The following AKT3 variants were observed in gnomAD, a reference collection of about 807,000 sequenced individuals.
The protein encoded by AKT3 is RAC-gamma serine/threonine-protein kinase.
In AKT3, 15 loss-of-function variants were observed where a neutral mutation model predicts 65.3. The ratio of observed to expected loss-of-function variants is 0.23; its 90% CI spans 0.15 to 0.35. The LOEUF (loss-of-function observed/expected upper bound fraction) is 0.35, where lower values mean the gene tolerates loss of function less well. Ranked by LOEUF, AKT3 falls within the 10% of genes least tolerant of loss-of-function variation. The pLI is 1.00. For missense variants in AKT3, 243 were observed against 576.5 expected, an observed-to-expected ratio of 0.42 and a Z score of 5.92; for synonymous variants, 206 against 183.8, an observed-to-expected ratio of 1.12 and a Z score of -0.98.
chr1:243,732,574 A>G (rs1282962827), intron 2 of AKT3, among the ~76,000 whole-genome samples: 2 of 152,224 alleles, frequency 1.3e-5, no homozygotes, highest in African/African-American at 4.8e-5. Flanking sequence ...TTGTGTACTG[A>G]TAATAAAAAT....
chr1:243,818,127 C>T (rs970894233), intron 2 of AKT3: 3 of 152,176 alleles, frequency 2.0e-5, no homozygotes, highest in South Asian at 4.1e-4. Context: ...GAAAGTCAAC[C>T]CCTGCTTAGT....
chr1:243,774,195 CAATTT>C (rs1690394671), intron 2 of AKT3, among the ~76,000 whole-genome samples: 1 of 152,020 alleles, frequency 6.6e-6, no homozygotes, highest in Admixed American at 6.5e-5. Context: ...ACCAGTATAT[CAATTT>C]AAGTTTATTT....
rs577286972 is a variant in AKT3 at position 243,746,937 on chromosome 1, C to G, written c.47-51221G>C. ...AGTACAGGAAAGGAACAACTGCAAG[C>G]TGCCATGCTGAGTTTAACAACAATC... On this transcript the variant is annotated intron_variant, in intron 2 of 13. Coordinates refer to ENST00000673466, the MANE Select transcript of AKT3 (RefSeq NM_005465.7). 1.3e-4 allele frequency among the ~76,000 whole-genome samples: 20 copies of G among 152,216 alleles called. 2 individuals carry two copies. Among genetic ancestry groups the G allele is most frequent in the Admixed American group, 1.3e-3 (20 of 15,298 alleles).
chr1:243,658,763 G>A (rs150749197), intron 4 of AKT3, among the ~76,000 whole-genome samples: 8 of 151,830 alleles, frequency 5.3e-5, no homozygotes, highest in East Asian at 3.9e-4. Context: ...TGTATTGGCC[G>A]GCAGTGTGGC....
intron 4 of AKT3, among the ~76,000 whole-genome samples, chr1:243,654,762 A>C (rs1681634386): frequency 6.6e-6 from 1 of 152,148 alleles, no homozygotes; most frequent in Non-Finnish European, 1.5e-5. Flanking sequence ...AACATTATTC[A>C]ATTATATTTC....
intron 8 of AKT3, among the ~76,000 whole-genome samples, chr1:243,591,804 G>A (rs1351476227): frequency 6.6e-6 from 1 of 151,650 alleles, no homozygotes; most frequent in African/African-American, 2.4e-5. Flanking sequence ...GGAGAAGAAA[G>A]TATTAGTAAA....
At chr1:243,643,877 C>A (rs1157938548) in intron 5 of AKT3, among the ~76,000 whole-genome samples, 1 of 152,182 alleles carries the variant, frequency 6.6e-6, no homozygotes. Flanking sequence ...TTCTGCAATT[C>A]TTTGCATGAT....
Position 243,613,712 on chromosome 1 carries a change from C to A in AKT3, c.655G>T (p.Asp219Tyr). 6.3e-7 allele frequency: 1 copy of A among 1,589,420 alleles called. No individual in the cohort carries two copies. ...TATTCCATCACAAAACACAAACGGT[C>A]TTTTGTCTGGAAGGAATATTTCAAG... ...TSLKYSFQTKDRLCFVMEYVN... is the reference protein window; with the variant it reads ...TSLKYSFQTKYRLCFVMEYVN... The change falls in exon 8 of 14, where the codon GAC (aspartate) becomes TAC (tyrosine). Residue 219 changes from aspartate (D) to tyrosine (Y), a missense_variant. Physicochemically the swap from Asp to Tyr is radical, Grantham distance 160 (BLOSUM62 -3). Coordinates refer to ENST00000673466, the MANE Select transcript of AKT3 (RefSeq NM_005465.7).
chr1:243,669,415 C>T (rs186866194), intron 3 of AKT3, among the ~76,000 whole-genome samples: 2 of 152,166 alleles, frequency 1.3e-5, no homozygotes, highest in Admixed American at 6.5e-5. Flanking sequence ...AAAGAATGCC[C>T]GGTCTGAGGT....
At chr1:243,839,482 T>TTTTA (rs1275043174) in intron 2 of AKT3, among the ~76,000 whole-genome samples, 2 of 152,248 alleles carry the variant, frequency 1.3e-5, no homozygotes, top group African/African-American at 4.8e-5. Context: ...GTGATGTTTC[T>TTTTA]TTTATTGCCA....
intron 2 of AKT3, among the ~76,000 whole-genome samples, chr1:243,700,988 C>G (rs1260736665): frequency 6.6e-6 from 1 of 150,690 alleles, no homozygotes; most frequent in Non-Finnish European, 1.5e-5. Context: ...CTGATAACAA[C>G]AAACTGTATT....
chr1:243,805,805 T>C (rs1458956648), intron 2 of AKT3, among the ~76,000 whole-genome samples: 1 of 152,240 alleles, frequency 6.6e-6, no homozygotes, highest in African/African-American at 2.4e-5. Context: ...GTGTTTCTCA[T>C]ATTCATTCTT....
At chr1:243,566,278 G>A (rs567994447) in intron 9 of AKT3, among the ~76,000 whole-genome samples, 16 of 152,162 alleles carry the variant, frequency 1.1e-4, no homozygotes, top group Non-Finnish European at 2.4e-4. Context: ...TCATGGTTGT[G>A]AGAAGAAGAA....
chr1:243,628,935 ATTTGCCT>A, intron 6 of AKT3, among the ~76,000 whole-genome samples: 1 of 152,352 alleles, frequency 6.6e-6, no homozygotes, highest in South Asian at 2.1e-4. Context: ...GGCTGTGGCC[ATTTGCCT>A]GGCCATATGG....
rs369887012 is a variant in AKT3, at chr1:243,508,655, CTTTTTTTTT to C, written c.1355-3330_1355-3322del. 6.0e-3 allele frequency among the ~76,000 whole-genome samples: 648 copies of C among 108,254 alleles called. 3 individuals are homozygous for C. Among genetic ancestry groups the C allele is most frequent in the African/African-American group, 0.014 (282 of 20,328 alleles). The allele number at this position is 108,254 out of a possible 152,430, so 71.0% of individuals were successfully genotyped here. Reference sequence around the variant, plus strand: ...ATTTCTGACACCCACAAAAGCCAGACTTTTTTTTTTTTTTTTTTTTTTTTTTAAAAGACA... The same window carrying C: ...ATTTCTGACACCCACAAAAGCCAGACTTTTTTTTTTTTTTTTTAAAAGACA... On this transcript the variant is annotated intron_variant, in intron 13 of 13. Transcript: ENST00000673466.
rs548056756 is a variant in AKT3, at chr1:243,615,724, C to G, written c.562-563G>C. On this transcript the variant is annotated intron_variant, in intron 6 of 13. Coordinates refer to ENST00000673466, the MANE Select transcript of AKT3 (RefSeq NM_005465.7). ...AAAATATATACCTTTCTGCTTGTGG[C>G]TTTTTAATTTGCGTCTTAATTTTTA... 2.0e-5 allele frequency among the ~76,000 whole-genome samples: 3 copies of G among 151,896 alleles called. No individual in the cohort carries two copies. In the South Asian group the frequency reaches 6.2e-4, roughly 32 times the overall value.
chr1:243,664,676 T>TA, intron 4 of AKT3, 96 bp downstream of exon 4: 1 of 413,276 alleles, frequency 2.4e-6, no homozygotes, highest in South Asian at 5.5e-5. Flanking sequence ...TAAAAAAATA[T>TA]ATTTATATAT....
chr1:243,609,929 A>G (rs1041037536), intron 8 of AKT3, among the ~76,000 whole-genome samples: 6 of 152,140 alleles, frequency 3.9e-5, no homozygotes, highest in Admixed American at 3.9e-4. Context: ...TCATCCCACC[A>G]AAGTCCCACC....
chr1:243,649,018 T>C lies in AKT3; in HGVS notation c.285-2981A>G, dbSNP rs568463336. Among the ~76,000 whole-genome samples the C allele has an allele frequency of 6.3e-4, 96 of 152,254 alleles. No individual in the cohort carries two copies. The South Asian group carries it at 6.8e-3, about 11-fold the overall frequency. On this transcript the variant is annotated intron_variant, in intron 4 of 13. Transcript: ENST00000673466. The stretch of plus-strand genomic sequence containing the variant: ...ATGTGAGAAATTTCTTCTTTTCAAA[T>C]ACAGGTATTTAAGGCTACAAATTTC...
Sources: gnomAD v4.1 joint callset for allele counts (sites outside exome capture counted in the v4.1 genomes callset) on GRCh38, gnomAD v4.1.1 for gene constraint, MANE v1.5 for transcripts, NCBI Gene and HGNC (gene_info 2026-07-23, HGNC 2026-07-21) for gene names.